The following LIMA1 variants were observed in gnomAD, a reference collection of about 807,000 sequenced individuals.
LIMA1 encodes the protein LIM domain and actin binding 1.
A neutral mutation model predicts 62.6 loss-of-function variants in LIMA1; 52 were observed. That is an observed-to-expected ratio of 0.83 (90% CI 0.67 to 1.05). LIMA1 has a LOEUF of 1.05. Ranked by LOEUF, LIMA1 falls within the 50% of genes least tolerant of loss-of-function variation. The probability of loss-of-function intolerance (pLI) is 0.00; values close to 1 mark genes in which losing one functional copy is unlikely to be tolerated. For missense variants in LIMA1, 780 were observed against 902.2 expected (o/e 0.86, Z 1.74); for synonymous variants, 302 against 317.8 (o/e 0.95, Z 0.53).
intron 1 of LIMA1, among the ~76,000 whole-genome samples, chr12:50,272,199 A>G (rs1054358205): frequency 3.9e-5 from 6 of 152,190 alleles, no homozygotes; most frequent in Admixed American, 3.3e-4. Flanking sequence ...GAGTCAGTTC[A>G]GATCAGTTTA....
intron 1 of LIMA1, among the ~76,000 whole-genome samples, chr12:50,261,253 C>T (rs1942070002): frequency 6.6e-6 from 1 of 151,242 alleles, no homozygotes; most frequent in African/African-American, 2.4e-5. Flanking sequence ...TGGGTTTCAC[C>T]GTGTTAGCCA....
At chr12:50,233,862 T>C (rs1235086603) in intron 2 of LIMA1, among the ~76,000 whole-genome samples, 1 of 152,214 alleles carries the variant, frequency 6.6e-6, no homozygotes, top group Non-Finnish European at 1.5e-5. Context: ...AAAATGTCTT[T>C]TAAAAGATCA....
intron 1 of LIMA1, among the ~76,000 whole-genome samples, chr12:50,261,042 A>ATATATATT (rs1383547189): frequency 9.2e-5 from 5 of 54,292 alleles, no homozygotes; most frequent in African/African-American, 2.9e-4. Flanking sequence ...CATCTAGTAT[A>ATATATATT]TTTTTTTTTT....
At chr12:50,266,550 C>A (rs368793770) in intron 1 of LIMA1, among the ~76,000 whole-genome samples, 7 of 152,138 alleles carry the variant, frequency 4.6e-5, no homozygotes, top group Non-Finnish European at 7.3e-5. Context: ...ATGTAGGTTG[C>A]TTTTGCTTCT....
At position 50,229,443 on chromosome 12, in the gene LIMA1, C is replaced by CA. The variant is rs1385833957; in HGVS notation, c.165+2221dup. Among the ~76,000 whole-genome samples the CA allele has an allele frequency of 3.3e-5, 5 of 151,960 alleles. No homozygotes were observed. The East Asian group carries it at 5.8e-4, about 18-fold the overall frequency. On this transcript the variant is annotated intron_variant, in intron 3 of 10. Coordinates refer to ENST00000341247, the MANE Select transcript of LIMA1 (RefSeq NM_016357.5). ...CATTCTCAGCAAACTATCGCAAGGA[C>CA]AAAAAACCAAACACCGCATGTTCTT...
At chr12:50,282,059 A>T (rs1481278891) in intron 1 of LIMA1, among the ~76,000 whole-genome samples, 1 of 152,234 alleles carries the variant, frequency 6.6e-6, no homozygotes, top group Admixed American at 6.5e-5. Context: ...CTAGTACATT[A>T]TATGTTGTTC....
intron 1 of LIMA1, among the ~76,000 whole-genome samples, chr12:50,258,710 C>T (rs1294927799): frequency 7.2e-6 from 1 of 138,142 alleles, no homozygotes; most frequent in East Asian, 2.1e-4. Context: ...TGCAGTGGTG[C>T]GATCTCGGCT....
At chr12:50,214,697 T>G (rs543791844) in intron 4 of LIMA1, among the ~76,000 whole-genome samples, 2 of 152,316 alleles carry the variant, frequency 1.3e-5, no homozygotes, top group African/African-American at 4.8e-5. Context: ...TCTCAGCCAC[T>G]CAGGAGGCTG....
At chr12:50,200,099 T>C (rs941673146) in intron 7 of LIMA1, among the ~76,000 whole-genome samples, 1 of 152,146 alleles carries the variant, frequency 6.6e-6, no homozygotes, top group Non-Finnish European at 1.5e-5. Context: ...TTCTCCATGT[T>C]GGTCAGGCTT....
chr12:50,222,566 T>TA (rs1380420031), intron 3 of LIMA1, 81 bp from the exon 4 acceptor site: 1 of 1,592,934 alleles, frequency 6.3e-7, no homozygotes, highest in Non-Finnish European at 8.5e-7. Context: ...AAATGAAAGT[T>TA]AAAACTCCAA....
At chr12:50,245,027 T>C (rs7957659) in intron 2 of LIMA1, among the ~76,000 whole-genome samples, 103,801 of 152,020 alleles carry the variant, frequency 0.68, 37,113 homozygotes, top group East Asian at 0.9. Flanking sequence ...TCCAAATGCA[T>C]CATTTCAGAG....
At chr12:50,250,561 C>G (rs1365655734) in intron 1 of LIMA1, among the ~76,000 whole-genome samples, 2 of 94,910 alleles carry the variant, frequency 2.1e-5, no homozygotes, top group African/African-American at 1.2e-4. Context: ...CCAAGATGTT[C>G]TCAAAAAAAA....
chr12:50,189,743 G>A (rs1269921963), intron 9 of LIMA1: 1 of 152,196 alleles, frequency 6.6e-6, no homozygotes, highest in Non-Finnish European at 1.5e-5. Context: ...GAGGAGCCTA[G>A]CTCTGTTGCC....
chr12:50,263,836 A>AGAG (rs1942102992), intron 1 of LIMA1, among the ~76,000 whole-genome samples: 1 of 116,524 alleles, frequency 8.6e-6, no homozygotes, highest in African/African-American at 3.7e-5. Flanking sequence ...TAGAGAGAGT[A>AGAG]TATATATATA....
chr12:50,208,223 C>T (rs920895103), intron 4 of LIMA1, among the ~76,000 whole-genome samples: 8 of 152,096 alleles, frequency 5.3e-5, no homozygotes, highest in East Asian at 3.9e-4. Flanking sequence ...CGGTGGCTCA[C>T]GCCTGTAATC....
At chr12:50,200,994 C>G in intron 6 of LIMA1, 110 bp from the exon 7 acceptor site, 1 of 1,475,900 alleles carries the variant, frequency 6.8e-7, no homozygotes, top group South Asian at 1.4e-5. Flanking sequence ...TTCTAAGAAG[C>G]CTCGGGTCAA....
chr12:50,221,683 T>C (rs1358823548), intron 4 of LIMA1, among the ~76,000 whole-genome samples: 1 of 152,170 alleles, frequency 6.6e-6, no homozygotes. Flanking sequence ...TCAGCAGTAA[T>C]TCCACCCCCA....
At chr12:50,179,469 G>T (rs1168155901) in intron 10 of LIMA1, among the ~76,000 whole-genome samples, 1 of 143,722 alleles carries the variant, frequency 7.0e-6, no homozygotes, top group Non-Finnish European at 1.5e-5. Context: ...ACAGAGTCTC[G>T]CTCTGTCACC....
At chr12:50,260,055 T>C (rs1425969355) in intron 1 of LIMA1, among the ~76,000 whole-genome samples, 1 of 152,124 alleles carries the variant, frequency 6.6e-6, no homozygotes, top group Non-Finnish European at 1.5e-5. Context: ...GCGAGCTCAC[T>C]TACTCTCAAC....
Sources: allele counts gnomAD v4.1 joint callset (sites outside exome capture counted in the v4.1 genomes callset), GRCh38; gene constraint gnomAD v4.1.1; transcripts MANE v1.5; gene names NCBI Gene and HGNC (gene_info 2026-07-23, HGNC 2026-07-21).